Variants in AMPH observed in about 807,000 individuals in gnomAD.
AMPH encodes the protein amphiphysin, also known as amphiphysin (Stiff-Mann syndrome with breast cancer 128kD autoantigen).
A neutral mutation model predicts 99.1 loss-of-function variants in AMPH; 49 were observed. The observed-to-expected ratio is 0.49, with a 90% CI of 0.39 to 0.63. The LOEUF (loss-of-function observed/expected upper bound fraction) is 0.63. Ranked by LOEUF, AMPH falls within the 20% of genes least tolerant of loss-of-function variation. AMPH has a pLI of 0.00. For missense variants in AMPH, 759 were observed against 863.4 expected, an observed-to-expected ratio of 0.88 and a Z score of 1.52; for synonymous variants, 314 against 317.3, an observed-to-expected ratio of 0.99 and a Z score of 0.11.
chr7:38,494,554 T>C (rs1336860114), intron 3 of AMPH, 27 bp from the exon 4 acceptor site: 1 of 1,591,044 alleles, frequency 6.3e-7, no homozygotes, highest in East Asian at 2.2e-5. Context: ...ACAACTCCCG[T>C]TACACAGAAA....
intron 2 of AMPH, among the ~76,000 whole-genome samples, chr7:38,511,681 A>C (rs984773421): frequency 5.9e-5 from 9 of 152,362 alleles, no homozygotes; most frequent in Non-Finnish European, 1.0e-4. Flanking sequence ...TGCCATGAGA[A>C]TCAAGTAGAT....
chr7:38,458,820 C>G (rs974088456), intron 11 of AMPH, among the ~76,000 whole-genome samples: 2 of 152,054 alleles, frequency 1.3e-5, no homozygotes, highest in Non-Finnish European at 1.5e-5. Flanking sequence ...GATAAGGATG[C>G]CCACTTTCAC....
intron 14 of AMPH, chr7:38,428,571 T>A (rs1785872440): frequency 2.2e-6 from 1 of 456,602 alleles, no homozygotes; most frequent in Non-Finnish European, 4.4e-6. Flanking sequence ...AAATATCATA[T>A]CATGGTTGGG....
chr7:38,513,601 A>T (rs559103293), intron 2 of AMPH, among the ~76,000 whole-genome samples: 25 of 152,366 alleles, frequency 1.6e-4, no homozygotes, highest in African/African-American at 5.8e-4. Flanking sequence ...CAAAAGAAAG[A>T]AGACTTTTGT....
intron 20 of AMPH, among the ~76,000 whole-genome samples, chr7:38,388,753 T>C (rs1034682052): frequency 6.6e-6 from 1 of 152,048 alleles, no homozygotes; most frequent in South Asian, 2.1e-4. Context: ...GATCCTCCCA[T>C]GTCAGCTTTT....
chr7:38,470,786 A>G (rs1787854215), intron 7 of AMPH, among the ~76,000 whole-genome samples: 1 of 152,110 alleles, frequency 6.6e-6, no homozygotes, highest in Non-Finnish European at 1.5e-5. Flanking sequence ...TCAACTCAAC[A>G]TATATAAGCC....
chr7:38,401,793 CT>C (rs1204263188), intron 17 of AMPH, among the ~76,000 whole-genome samples: 2 of 151,908 alleles, frequency 1.3e-5, no homozygotes, highest in Non-Finnish European at 2.9e-5. Flanking sequence ...ATTAAGTTTG[CT>C]TTTTTTGGTG....
In AMPH at chr7:38,577,952, C is replaced by T. The variant is rs1447280621; in HGVS notation, c.70-42941G>A. Among the ~76,000 whole-genome samples the T allele has an allele frequency of 6.6e-5, 10 of 152,156 alleles. 1 individual carries two copies. The highest frequency in any genetic ancestry group is 5.9e-4 in the Admixed American group (9 of 15,268). On this transcript the variant is annotated intron_variant, in intron 1 of 20. Transcript: ENST00000356264. ...CATCCCTCTTAGCAAATACCAAGGG[C>T]TTAACATTGGAAACAAACACGATAG...
intron 2 of AMPH, among the ~76,000 whole-genome samples, chr7:38,505,194 A>T (rs1360098985): frequency 6.6e-6 from 1 of 152,242 alleles, no homozygotes; most frequent in African/African-American, 2.4e-5. Flanking sequence ...AATACAAATA[A>T]ACTGACAAGA....
chr7:38,617,589 C>G (rs1793921765), intron 1 of AMPH, among the ~76,000 whole-genome samples: 1 of 152,192 alleles, frequency 6.6e-6, no homozygotes, highest in Non-Finnish European at 1.5e-5. Flanking sequence ...CAAGAATAAA[C>G]CATGCTGGGT....
At chr7:38,513,153 T>C (rs1299034471) in intron 2 of AMPH, among the ~76,000 whole-genome samples, 3 of 152,206 alleles carry the variant, frequency 2.0e-5, no homozygotes, top group Non-Finnish European at 4.4e-5. Flanking sequence ...AAATCAAGAT[T>C]GTGTAATCAA....
At chr7:38,539,706 G>A (rs920013536) in intron 1 of AMPH, among the ~76,000 whole-genome samples, 1 of 152,210 alleles carries the variant, frequency 6.6e-6, no homozygotes, top group Non-Finnish European at 1.5e-5. Flanking sequence ...CAGGAGAGGG[G>A]AGTGATTCAG....
chr7:38,592,265 A>T (rs1405609436), intron 1 of AMPH, among the ~76,000 whole-genome samples: 1 of 152,188 alleles, frequency 6.6e-6, no homozygotes, highest in Non-Finnish European at 1.5e-5. Flanking sequence ...TGATCATGTC[A>T]CAGTGCTGCA....
intron 1 of AMPH, among the ~76,000 whole-genome samples, chr7:38,593,859 T>C (rs1792949888): frequency 1.3e-5 from 2 of 152,076 alleles, no homozygotes; most frequent in African/African-American, 2.4e-5. Context: ...AGAAGGAAGC[T>C]AGACGGGAGA....
intron 1 of AMPH, among the ~76,000 whole-genome samples, chr7:38,564,888 G>A (rs1476547301): frequency 2.0e-5 from 3 of 152,180 alleles, no homozygotes; most frequent in East Asian, 3.9e-4. Flanking sequence ...ACTCTGGGAG[G>A]CTGAGGTGGG....
rs1786247079 is a variant in AMPH at position 38,436,039 on chromosome 7, A to G, written c.1134+233T>C. On this transcript the variant is annotated intron_variant, in intron 12 of 20. Coordinates refer to ENST00000356264, the MANE Select transcript of AMPH (RefSeq NM_001635.4). ...TAACAATTACTCTGGGGGAGAAAAC[A>G]GGAATGTATGGTTATGCCAGCTCTA... Among the ~76,000 whole-genome samples the G allele has an allele frequency of 3.3e-5, 5 of 152,244 alleles. No homozygotes were observed. The South Asian group carries it at 1.0e-3, about 32-fold the overall frequency.
intron 7 of AMPH, 46 bp downstream of exon 7, chr7:38,475,285 G>T: frequency 7.9e-7 from 1 of 1,266,382 alleles, no homozygotes; most frequent in South Asian, 1.2e-5. Context: ...CACTGATCTT[G>T]AATTTCTAAA....
intron 1 of AMPH, among the ~76,000 whole-genome samples, chr7:38,579,646 CTT>C (rs1792373753): frequency 6.6e-6 from 1 of 152,188 alleles, no homozygotes; most frequent in Admixed American, 6.5e-5. Flanking sequence ...GTCCAAAACT[CTT>C]CTTACAAAAG....
At chr7:38,534,659 T>C (rs1188780749) in intron 2 of AMPH, among the ~76,000 whole-genome samples, 1 of 152,166 alleles carries the variant, frequency 6.6e-6, no homozygotes, top group Non-Finnish European at 1.5e-5. Context: ...CTGGGCAATC[T>C]GAATGAGACC....
Sources: gnomAD v4.1 joint callset for allele counts (sites outside exome capture counted in the v4.1 genomes callset) on GRCh38, gnomAD v4.1.1 for gene constraint, MANE v1.5 for transcripts, NCBI Gene and HGNC (gene_info 2026-07-23, HGNC 2026-07-21) for gene names.